Variants in SLC6A3 observed in about 807,000 individuals in gnomAD.
The protein encoded by SLC6A3 is sodium-dependent dopamine transporter.
Under a neutral mutation model 70.4 loss-of-function variants are expected in SLC6A3, and 19 were observed. The ratio of observed to expected loss-of-function variants is 0.27; its 90% CI spans 0.19 to 0.40. The LOEUF (loss-of-function observed/expected upper bound fraction) is 0.40. SLC6A3 is among the 10% of genes least tolerant of loss of function. SLC6A3 has a pLI of 1.00. For synonymous variants in SLC6A3, 368 were observed against 356.6 expected, an observed-to-expected ratio of 1.03 and a Z score of -0.36; for missense variants, 613 against 838.5, an observed-to-expected ratio of 0.73 and a Z score of 3.32.
intron 2 of SLC6A3, 126 bp from the exon 3 acceptor site, chr5:1,441,616 A>C: frequency 9.1e-7 from 1 of 1,101,720 alleles, no homozygotes; most frequent in Non-Finnish European, 1.3e-6. Flanking sequence ...CCACTCTCCA[A>C]CGGGAAGTCC....
intron 9 of SLC6A3, among the ~76,000 whole-genome samples, chr5:1,410,788 G>A (rs554209276): frequency 1.3e-4 from 20 of 152,292 alleles, no homozygotes; most frequent in African/African-American, 4.6e-4. Context: ...TGCTACACGT[G>A]CATGCATGTC....
At chr5:1,398,853 G>A (rs900300207) in intron 14 of SLC6A3, among the ~76,000 whole-genome samples, 2 of 152,182 alleles carry the variant, frequency 1.3e-5, no homozygotes, top group Admixed American at 6.5e-5. Context: ...AGCAAAACCT[G>A]ATAGAACTGA....
rs1170920070 is a variant in SLC6A3, at chr5:1,397,544, A to C, written c.1840-2786T>G. 6.6e-6 allele frequency among the ~76,000 whole-genome samples: 1 copy of C among 152,208 alleles called. No homozygotes were observed. The highest frequency in any genetic ancestry group is 1.5e-5 in the Non-Finnish European group (1 of 68,038). On this transcript the variant is annotated intron_variant, in intron 14 of 14. Transcript: ENST00000270349. This position sits in a 1 kb window ranked among gnomAD's most constrained non-coding sequence, Gnocchi z 4.7. ...AACTCGGCCGAGTGCAGGGGTGAGGACAGAGCCCACCACAGAGCAGGCTCA... is the reference window on the plus strand; with the variant it reads ...AACTCGGCCGAGTGCAGGGGTGAGGCCAGAGCCCACCACAGAGCAGGCTCA...
intron 4 of SLC6A3, among the ~76,000 whole-genome samples, chr5:1,431,441 G>A (rs1372799756): frequency 2.0e-5 from 3 of 151,648 alleles, no homozygotes; most frequent in South Asian, 4.2e-4. Context: ...GGGGCTGGTC[G>A]GGGTGGACTG....
chr5:1,434,995 A>G (rs772320369), intron 3 of SLC6A3, among the ~76,000 whole-genome samples: 14 of 152,234 alleles, frequency 9.2e-5, no homozygotes, highest in Non-Finnish European at 1.5e-4. Flanking sequence ...GTCTTCTCCT[A>G]TGTGGATCTG....
Position 1,406,235 on chromosome 5 carries a change from G to C in SLC6A3, c.1552C>G (p.Leu518Val). Reference sequence around the variant, plus strand: ...AGCTTCCAGCACAGCCGCCAGTACAGGCTGGGCCGCTGCCCGGTCATCTGC... The same window carrying C: ...AGCTTCCAGCACAGCCGCCAGTACACGCTGGGCCGCTGCCCGGTCATCTGC... ...IQQMTGQRPS[L>V]YWRLCWKLVS... Residue 518 changes from leucine (L) to valine (V), a missense_variant, in exon 12 of 15, where the codon CTG becomes GTG. Physicochemically the swap from Leu to Val is conservative, Grantham distance 32. This residue lies in a region of SLC6A3 where 348 missense variants were observed against 481.2 expected (regional missense o/e 0.72). Transcript: ENST00000270349. This position sits in a 1 kb window ranked among gnomAD's most constrained non-coding sequence, Gnocchi z 8.8. 1.2e-6 allele frequency: 2 copies of C among 1,613,032 alleles called. No individual in the cohort carries two copies. The highest frequency in any genetic ancestry group is 1.7e-6 in the Non-Finnish European group (2 of 1,180,006).
At chr5:1,407,468 T>C (rs1478973248) in intron 11 of SLC6A3, among the ~76,000 whole-genome samples, 2 of 152,226 alleles carry the variant, frequency 1.3e-5, no homozygotes, top group African/African-American at 4.8e-5. Context: ...GCAGGAGTCA[T>C]CAGCTCCAAG....
rs149312034 is a variant in SLC6A3, at chr5:1,417,182, G to A, written c.928-981C>T. 6.6e-3 allele frequency among the ~76,000 whole-genome samples: 1,000 copies of A among 151,718 alleles called. 14 individuals are homozygous for A. The highest frequency in any genetic ancestry group is 0.012 in the Non-Finnish European group (792 of 67,930). ...ACTCAACCACAGGCTACATGATGGC[G>A]GCTTCCTGATAACCCTCAGAACATC... On this transcript the variant is annotated intron_variant, in intron 6 of 14. Coordinates refer to ENST00000270349, the MANE Select transcript of SLC6A3 (RefSeq NM_001044.5).
Position 1,443,069 on chromosome 5 carries a change from G to T in SLC6A3, c.129C>A (p.Thr43=), listed in dbSNP as rs1179801580. ...GCCGCGGGTTGGTGAGGGTGGAGCT[G>T]GTGAGCTGCACTCCGTTCTGCTCCT... ...LVKEQNGVQL[T]SSTLTNPRQS... The change falls in exon 2 of 15, where the codon ACC becomes ACA. Residue 43 remains threonine, a synonymous_variant. Coordinates refer to ENST00000270349, the MANE Select transcript of SLC6A3 (RefSeq NM_001044.5). 6.2e-7 allele frequency: 1 copy of T among 1,614,242 alleles called. No individual in the cohort carries two copies. Among genetic ancestry groups the T allele is most frequent in the Non-Finnish European group, 8.5e-7 (1 of 1,180,038 alleles).
At position 1,436,825 on chromosome 5, in the gene SLC6A3, A is replaced by C. The variant is rs1013764173; in HGVS notation, c.419-4127T>G. On this transcript the variant is annotated intron_variant, in intron 3 of 14. Transcript: ENST00000270349. This position sits in a 1 kb window ranked among gnomAD's most constrained non-coding sequence, Gnocchi z 5.2. ...CTGCCCCACCCCTGAACACCAGTACACCCCAGGGCACCCACGAGAGCTGGC... is the reference window on the plus strand; with the variant it reads ...CTGCCCCACCCCTGAACACCAGTACCCCCCAGGGCACCCACGAGAGCTGGC... Among the ~76,000 whole-genome samples the C allele has an allele frequency of 6.6e-6, 1 of 152,094 alleles. No individual in the cohort carries two copies. The highest frequency in any genetic ancestry group is 1.5e-5 in the Non-Finnish European group (1 of 68,004).
Position 1,406,344 on chromosome 5 carries a change from T to C in SLC6A3, c.1499-56A>G, listed in dbSNP as rs1285665335. On this transcript the variant is annotated intron_variant, in intron 11 of 14. Transcript: ENST00000270349. The surrounding 1 kb of genome is among the most constrained non-coding windows in gnomAD (Gnocchi z 8.8). ...TCAGGGCAGCGCATTCCCCCGATGCTGGACACGTGTGGGGGTCCTCGCTGA... is the reference window on the plus strand; with the variant it reads ...TCAGGGCAGCGCATTCCCCCGATGCCGGACACGTGTGGGGGTCCTCGCTGA... 7.1e-7 allele frequency: 1 copy of C among 1,415,718 alleles called. No individual in the cohort carries two copies. The highest frequency in any genetic ancestry group is 1.0e-6 in the Non-Finnish European group (1 of 1,000,258). The allele number at this position is 1,415,718 out of a possible 1,614,324, so 87.7% of individuals were successfully genotyped here. A position where few individuals can be genotyped will look rare whatever the true frequency, so the allele number is the denominator to read the frequency against.
At chr5:1,424,057 G>A (rs540409504) in intron 4 of SLC6A3, among the ~76,000 whole-genome samples, 1 of 152,204 alleles carries the variant, frequency 6.6e-6, no homozygotes, top group Non-Finnish European at 1.5e-5. Context: ...AACAGGGAAG[G>A]CCCCACGAGC....
chr5:1,440,567 C>T (rs1029307514), intron 3 of SLC6A3, among the ~76,000 whole-genome samples: 5 of 152,152 alleles, frequency 3.3e-5, no homozygotes, highest in Admixed American at 2.0e-4. Flanking sequence ...TCTAACCCCG[C>T]AAACCTCAGA....
At chr5:1,418,844 C>T (rs1756368241) in intron 6 of SLC6A3, among the ~76,000 whole-genome samples, 1 of 150,428 alleles carries the variant, frequency 6.6e-6, no homozygotes, top group East Asian at 2.0e-4. Context: ...ATCCACCCAC[C>T]CGTCATCCAT....
chr5:1,413,975 C>G lies in SLC6A3; in HGVS notation c.1156+716G>C. Reference sequence around the variant, plus strand: ...CCCCCACCACTCACCTGTGCCTGCCCGAGACCTGGACCCCTCCCCACCCTC... The same window carrying G: ...CCCCCACCACTCACCTGTGCCTGCCGGAGACCTGGACCCCTCCCCACCCTC... On this transcript the variant is annotated intron_variant, in intron 8 of 14. Coordinates refer to ENST00000270349, the MANE Select transcript of SLC6A3 (RefSeq NM_001044.5). This position sits in a 1 kb window ranked among gnomAD's most constrained non-coding sequence, Gnocchi z 7.1. 6.6e-6 allele frequency among the ~76,000 whole-genome samples: 1 copy of G among 152,264 alleles called. No individual in the cohort carries two copies. The highest frequency in any genetic ancestry group is 2.1e-4 in the South Asian group (1 of 4,822).
Position 1,393,037 on chromosome 5 carries a change from G to A in SLC6A3, c.*1698C>T, listed in dbSNP as rs997927080. On this transcript the variant is annotated 3_prime_UTR_variant, in exon 15 of 15. Coordinates refer to ENST00000270349, the MANE Select transcript of SLC6A3 (RefSeq NM_001044.5). Reference sequence around the variant, plus strand: ...GTGCTGACTGCAGCGGCCAGAAGGCGATGGGGAAGCCGTCCTCTGTGTCCC... The same window carrying A: ...GTGCTGACTGCAGCGGCCAGAAGGCAATGGGGAAGCCGTCCTCTGTGTCCC... 11 of 151,750 alleles carry A rather than the reference G, an allele frequency of 7.2e-5. No individual in the cohort carries two copies. Among genetic ancestry groups the A allele is most frequent in the Non-Finnish European group, 1.2e-4 (8 of 68,038 alleles). 9.4% of individuals were successfully genotyped at this position (151,750 alleles called of 1,614,324 possible).
In SLC6A3 at chr5:1,396,639, C is replaced by T. The variant is rs549969567; in HGVS notation, c.1840-1881G>A. Among the ~76,000 whole-genome samples, 1 of 149,818 alleles carries T rather than the reference C, an allele frequency of 6.7e-6. No individual in the cohort carries two copies. Among genetic ancestry groups the T allele is most frequent in the African/African-American group, 2.4e-5 (1 of 41,410 alleles). On this transcript the variant is annotated intron_variant, in intron 14 of 14. Transcript: ENST00000270349. This position sits in a 1 kb window ranked among gnomAD's most constrained non-coding sequence, Gnocchi z 7.0. Reference sequence around the variant, plus strand: ...TGCTGAGGGTTCAGACGAGCACATCCCGCTGTGAATGAGGAGGCTGGGGAG... The same window carrying T: ...TGCTGAGGGTTCAGACGAGCACATCTCGCTGTGAATGAGGAGGCTGGGGAG...
Position 1,406,353 on chromosome 5 carries a change from G to T in SLC6A3, c.1499-65C>A, listed in dbSNP as rs1383254621. 11 of 1,360,912 alleles carry T rather than the reference G, an allele frequency of 8.1e-6. No individual in the cohort carries two copies. The highest frequency in any genetic ancestry group is 1.1e-5 in the Non-Finnish European group (10 of 950,476). 84.3% of individuals were successfully genotyped at this position (1,360,912 alleles called of 1,614,324 possible). On this transcript the variant is annotated intron_variant, in intron 11 of 14. Coordinates refer to ENST00000270349, the MANE Select transcript of SLC6A3 (RefSeq NM_001044.5). This position sits in a 1 kb window ranked among gnomAD's most constrained non-coding sequence, Gnocchi z 8.8. ...CGCATTCCCCCGATGCTGGACACGT[G>T]TGGGGGTCCTCGCTGACTCCCAAGG...
In SLC6A3 at chr5:1,414,720, C is replaced by G. The variant is rs1422825586; in HGVS notation, c.1127G>C (p.Ser376Thr). 9.3e-6 allele frequency: 15 copies of G among 1,612,538 alleles called. No individual in the cohort carries two copies. The highest frequency in any genetic ancestry group is 2.2e-5 in the East Asian group (1 of 44,886). ...SFLGYMAQKHSVPIGDVAKDG... is the reference protein window; with the variant it reads ...SFLGYMAQKHTVPIGDVAKDG... ...CTTGGCCACGTCCCCGATGGGCACA[C>G]TGTGCTTCTGTGCCATGTACCCCAG... Residue 376 changes from serine to threonine, a missense_variant, in exon 8 of 15, where the codon AGT (serine) becomes ACT (threonine). By Grantham distance (58) the Ser-to-Thr change is moderately conservative (BLOSUM62 1). This residue lies in a region of SLC6A3 where 348 missense variants were observed against 481.2 expected (regional missense o/e 0.72). Transcript: ENST00000270349.
Sources: gnomAD v4.1 joint callset for allele counts (sites outside exome capture counted in the v4.1 genomes callset) on GRCh38, gnomAD v4.1.1 for gene constraint, gnomAD v4.1.1 regional missense constraint, Gnocchi (gnomAD v3.1) non-coding constraint, MANE v1.5 for transcripts, NCBI Gene and HGNC (gene_info 2026-07-23, HGNC 2026-07-21) for gene names.